Variants in ZC3H6 observed in about 807,000 individuals in gnomAD.
ZC3H6 encodes zinc finger CCCH-type containing 6.
Under a neutral mutation model 107.7 loss-of-function variants are expected in ZC3H6, and 40 were observed. The observed-to-expected ratio is 0.37, with a 90% confidence interval of 0.29 to 0.48. The LOEUF is 0.48. ZC3H6 is among the 20% of genes least tolerant of loss of function. ZC3H6 has a pLI of 0.98. For synonymous variants in ZC3H6, 493 were observed against 487.9 expected, an observed-to-expected ratio of 1.01 and a Z score of -0.14; for missense variants, 1,267 against 1,410.4, an observed-to-expected ratio of 0.90 and a Z score of 1.63.
intron 11 of ZC3H6, among the ~76,000 whole-genome samples, chr2:112,329,791 G>C (rs528104200): frequency 1.3e-5 from 2 of 152,244 alleles, no homozygotes; most frequent in African/African-American, 4.8e-5. Context: ...TCCATGTTCT[G>C]ACTCTTACGT....
chr2:112,332,635 C>T lies in ZC3H6; in HGVS notation c.*147C>T. On this transcript the variant is annotated 3_prime_UTR_variant, in exon 12 of 12. Coordinates refer to ENST00000409871, the MANE Select transcript of ZC3H6 (RefSeq NM_198581.3). Reference sequence around the variant, plus strand: ...TATCAGAACCACATGAAGTTATAGCCTCTAAAGCCTGTGGTATTTTATATA... The same window carrying T: ...TATCAGAACCACATGAAGTTATAGCTTCTAAAGCCTGTGGTATTTTATATA... The T allele has an allele frequency of 1.5e-6, 1 of 662,402 alleles. No homozygotes were observed. Among genetic ancestry groups the T allele is most frequent in the South Asian group, 3.0e-5 (1 of 32,886 alleles). 41.0% of individuals were successfully genotyped at this position (662,402 alleles called of 1,614,324 possible).
intron 3 of ZC3H6, 92 bp downstream of exon 3, chr2:112,303,443 T>C (rs889065043): frequency 3.3e-6 from 3 of 914,308 alleles, no homozygotes; most frequent in African/African-American, 3.4e-5. Flanking sequence ...TGATATTAAG[T>C]ATATTGACAG....
chr2:112,305,539 T>C (rs72833414), intron 3 of ZC3H6, among the ~76,000 whole-genome samples: 16,357 of 152,244 alleles, frequency 0.11, 1,185 homozygotes, highest in Non-Finnish European at 0.16. Flanking sequence ...TTATTTTTGC[T>C]TCAAAAAAAT....
chr2:112,325,228 C>T (rs1676886086), intron 11 of ZC3H6, 31 bp downstream of exon 11: 1 of 1,601,622 alleles, frequency 6.2e-7, no homozygotes, highest in African/African-American at 1.3e-5. Context: ...AGCATCTTAC[C>T]TATTTGGATG....
At chr2:112,298,849 T>A (rs1305456300) in intron 1 of ZC3H6, among the ~76,000 whole-genome samples, 2 of 152,236 alleles carry the variant, frequency 1.3e-5, no homozygotes, top group African/African-American at 4.8e-5. Flanking sequence ...AAATGTTTAA[T>A]TATTTGATAC....
At chr2:112,330,913 TATA>T in intron 11 of ZC3H6, 89 bp from the exon 12 acceptor site, 1 of 541,420 alleles carries the variant, frequency 1.8e-6, no homozygotes, top group African/African-American at 2.1e-5. Context: ...GTAGCCATAT[TATA>T]AAGAATAATT....
At chr2:112,303,142 C>A in intron 2 of ZC3H6, 87 bp from the exon 3 acceptor site, 3 of 1,485,010 alleles carry the variant, frequency 2.0e-6, no homozygotes, top group Non-Finnish European at 1.8e-6. Flanking sequence ...CTGGTTGGTA[C>A]CTCTGGCTGA....
rs1314163424 is a variant in ZC3H6, at chr2:112,336,223, T to C, written c.*3735T>C. ...AAAGAGGCTGTCAGAATCTCTTCAT[T>C]TGCATGACATAGAATCTGTGGTGGA... On this transcript the variant is annotated 3_prime_UTR_variant, in exon 12 of 12. Coordinates refer to ENST00000409871, the MANE Select transcript of ZC3H6 (RefSeq NM_198581.3). The C allele has an allele frequency of 6.6e-6, 1 of 152,194 alleles. No homozygotes were observed. Among genetic ancestry groups the C allele is most frequent in the Non-Finnish European group, 1.5e-5 (1 of 68,050 alleles). 9.4% of individuals were successfully genotyped at this position (152,194 alleles called of 1,614,324 possible). A position where few individuals can be genotyped will look rare whatever the true frequency, so the allele number is the denominator to read the frequency against.
Position 112,283,185 on chromosome 2 carries a change from A to G in ZC3H6, c.32+7159A>G, listed in dbSNP as rs562241940. 3.7e-4 allele frequency among the ~76,000 whole-genome samples: 57 copies of G among 152,258 alleles called. No individual in the cohort carries two copies. In the East Asian group the frequency reaches 0.011, roughly 28 times the overall value. ...GGGTGGTTGGGTTCTGGGAGGTGGT[A>G]TTTGACTGCTGCTGATGTGTACCAA... On this transcript the variant is annotated intron_variant, in intron 1 of 11. Transcript: ENST00000409871.
At position 112,302,411 on chromosome 2, in the gene ZC3H6, G is replaced by C. The variant is rs78403612; in HGVS notation, c.214-818G>C. On this transcript the variant is annotated intron_variant, in intron 2 of 11. Transcript: ENST00000409871. ...TAAAATAACATTTCAGGATGGATTA[G>C]AGAAAAACAGAGCCTTCCCTTGTAA... Among the ~76,000 whole-genome samples, 1,161 of 152,176 alleles carry C rather than the reference G, an allele frequency of 7.6e-3. 8 individuals are homozygous for C. The highest frequency in any genetic ancestry group is 0.013 in the Non-Finnish European group (874 of 67,952).
intron 7 of ZC3H6, among the ~76,000 whole-genome samples, chr2:112,320,074 A>T (rs1045947248): frequency 6.6e-6 from 1 of 152,158 alleles, no homozygotes; most frequent in African/African-American, 2.4e-5. Flanking sequence ...CTGGGATTAC[A>T]GGCATGCACC....
At chr2:112,313,052 C>T (rs1440391126) in intron 5 of ZC3H6, among the ~76,000 whole-genome samples, 1 of 152,120 alleles carries the variant, frequency 6.6e-6, no homozygotes, top group Non-Finnish European at 1.5e-5. Context: ...GAAGGTCAGA[C>T]CCAAATAAAT....
intron 1 of ZC3H6, among the ~76,000 whole-genome samples, chr2:112,277,655 TTA>T (rs1485915830): frequency 6.6e-6 from 1 of 152,208 alleles, no homozygotes; most frequent in African/African-American, 2.4e-5. Flanking sequence ...AAGATTAAGA[TTA>T]GTCTATTTTA....
chr2:112,283,519 T>C (rs1686560595), intron 1 of ZC3H6, among the ~76,000 whole-genome samples: 1 of 152,212 alleles, frequency 6.6e-6, no homozygotes, highest in Non-Finnish European at 1.5e-5. Context: ...ATAAAGTTGG[T>C]ATGAAAACAA....
intron 3 of ZC3H6, among the ~76,000 whole-genome samples, chr2:112,306,330 A>G (rs1046443810): frequency 6.6e-6 from 1 of 151,918 alleles, no homozygotes; most frequent in African/African-American, 2.4e-5. Flanking sequence ...ACGCCACCAC[A>G]CTTGGCTAAT....
intron 10 of ZC3H6, 33 bp downstream of exon 10, chr2:112,324,696 A>G (rs1200180795): frequency 6.7e-7 from 1 of 1,502,178 alleles, no homozygotes; most frequent in East Asian, 2.4e-5. Flanking sequence ...ATTTATTCCT[A>G]ATTTAAAATA....
At chr2:112,287,151 A>G (rs1380805463) in intron 1 of ZC3H6, among the ~76,000 whole-genome samples, 2 of 151,930 alleles carry the variant, frequency 1.3e-5, no homozygotes, top group African/African-American at 4.8e-5. Context: ...GGCACCTAGA[A>G]GATTATTTTC....
intron 3 of ZC3H6, among the ~76,000 whole-genome samples, chr2:112,304,910 A>T (rs1676448024): frequency 1.3e-5 from 2 of 152,150 alleles, no homozygotes; most frequent in Admixed American, 1.3e-4. Context: ...TTTATAGTTG[A>T]GATTGCTAAG....
intron 1 of ZC3H6, among the ~76,000 whole-genome samples, chr2:112,277,034 G>GT (rs531433407): frequency 2.9e-3 from 445 of 152,156 alleles, no homozygotes; most frequent in Non-Finnish European, 4.7e-3. Flanking sequence ...GATCGGCTTG[G>GT]TAAAGCATCC....
Sources: gnomAD v4.1 joint callset for allele counts (sites outside exome capture counted in the v4.1 genomes callset) on GRCh38, gnomAD v4.1.1 for gene constraint, MANE v1.5 for transcripts, NCBI Gene and HGNC (gene_info 2026-07-23, HGNC 2026-07-21) for gene names.